Variants in ELAPOR2 observed in about 807,000 individuals in gnomAD.
The protein encoded by ELAPOR2 is endosome/lysosome-associated apoptosis and autophagy regulator family member 2.
In ELAPOR2, 89 loss-of-function variants were observed where a neutral mutation model predicts 120.7. The observed-to-expected ratio is 0.74, with a 90% CI of 0.62 to 0.88. ELAPOR2 has a LOEUF of 0.88. ELAPOR2 is among the 40% of genes least tolerant of loss of function. ELAPOR2 has a pLI of 0.00. For synonymous variants in ELAPOR2, 444 were observed against 444.9 expected (o/e 1.00, Z 0.03); for missense variants, 1,134 against 1,251.6 (o/e 0.91, Z 1.42).
intron 1 of ELAPOR2, among the ~76,000 whole-genome samples, chr7:87,035,133 A>C (rs990074886): frequency 1.4e-4 from 22 of 152,084 alleles, no homozygotes; most frequent in Non-Finnish European, 2.9e-4. Context: ...CTAATGCATC[A>C]AGGTCAAATA....
chr7:86,963,305 C>T (rs1304295739), intron 2 of ELAPOR2, among the ~76,000 whole-genome samples: 1 of 152,178 alleles, frequency 6.6e-6, no homozygotes, highest in Non-Finnish European at 1.5e-5. Context: ...TCTGGCAACA[C>T]TTAACTAAAA....
chr7:86,908,482 T>C lies in ELAPOR2; in HGVS notation c.2421A>G (p.Pro807=). The C allele has an allele frequency of 6.3e-7, 1 of 1,589,374 alleles. No homozygotes were observed. Among genetic ancestry groups the C allele is most frequent in the Non-Finnish European group, 8.6e-7 (1 of 1,166,414 alleles). Residue 807 remains proline (P), a synonymous_variant, in exon 17 of 22, where the codon CCA becomes CCG. Transcript: ENST00000450689. ...INIKEDMFPV[P]TSQIPDVHFF... ...AATGCACATCTGGTATTTGGCTTGTTGGAACTGGGAACATATCTTCTTTTA... is the reference window on the plus strand; with the variant it reads ...AATGCACATCTGGTATTTGGCTTGTCGGAACTGGGAACATATCTTCTTTTA...
intron 20 of ELAPOR2, 95 bp from the exon 21 acceptor site, chr7:86,891,984 T>A (rs940804439): frequency 7.4e-6 from 6 of 811,696 alleles, no homozygotes; most frequent in Non-Finnish European, 1.1e-5. Flanking sequence ...GCTCATTAAA[T>A]TGACTTGGAG....
intron 1 of ELAPOR2, among the ~76,000 whole-genome samples, chr7:87,053,290 C>T (rs953561765): frequency 6.6e-6 from 1 of 152,042 alleles, no homozygotes. Flanking sequence ...TTTTTAAAAC[C>T]CCCAAAATGC....
At chr7:87,006,779 A>C (rs1489315035) in intron 1 of ELAPOR2, among the ~76,000 whole-genome samples, 2 of 152,206 alleles carry the variant, frequency 1.3e-5, no homozygotes, top group African/African-American at 4.8e-5. Flanking sequence ...ATTATATTCA[A>C]AATAGCTGAA....
intron 10 of ELAPOR2, among the ~76,000 whole-genome samples, chr7:86,924,729 C>T (rs1422276623): frequency 6.7e-6 from 1 of 149,894 alleles, no homozygotes; most frequent in African/African-American, 2.5e-5. Context: ...ATACACCTCA[C>T]TTCCTATGAC....
At chr7:86,998,974 A>G (rs1052315798) in intron 1 of ELAPOR2, among the ~76,000 whole-genome samples, 3 of 152,074 alleles carry the variant, frequency 2.0e-5, no homozygotes, top group Non-Finnish European at 4.4e-5. Context: ...GGAGCTTTCA[A>G]GGATTAAAAC....
chr7:86,897,681 C>T (rs751597525), intron 18 of ELAPOR2, 49 bp from the exon 19 acceptor site: 2 of 1,605,816 alleles, frequency 1.2e-6, no homozygotes, highest in Non-Finnish European at 8.5e-7. Flanking sequence ...GCTTTTTAAC[C>T]CATTCAATCC....
At chr7:87,009,818 T>C (rs1793596057) in intron 1 of ELAPOR2, among the ~76,000 whole-genome samples, 1 of 152,226 alleles carries the variant, frequency 6.6e-6, no homozygotes, top group East Asian at 1.9e-4. Context: ...TAAAGAAAGC[T>C]ATTAACACCC....
intron 21 of ELAPOR2, 71 bp downstream of exon 21, chr7:86,891,653 G>A (rs1210030891): frequency 6.3e-6 from 8 of 1,275,088 alleles, no homozygotes; most frequent in Non-Finnish European, 7.6e-6. Context: ...TTGCGTGAAT[G>A]CTATTATTAG....
At chr7:86,912,329 T>A in intron 14 of ELAPOR2, 84 bp from the exon 15 acceptor site, 1 of 789,586 alleles carries the variant, frequency 1.3e-6, no homozygotes, top group Non-Finnish European at 2.0e-6. Flanking sequence ...GTTCTAGGTA[T>A]AAAAACTATT....
At chr7:86,991,273 T>C (rs1232584708) in intron 1 of ELAPOR2, among the ~76,000 whole-genome samples, 1 of 152,290 alleles carries the variant, frequency 6.6e-6, no homozygotes, top group East Asian at 1.9e-4. Context: ...TGATTTATTT[T>C]ACAGTTGAAG....
chr7:87,044,739 A>G (rs1381597523), intron 1 of ELAPOR2, among the ~76,000 whole-genome samples: 1 of 151,914 alleles, frequency 6.6e-6, no homozygotes, highest in African/African-American at 2.4e-5. Context: ...ATGGCAACAA[A>G]AGCCAAAATT....
chr7:86,878,432 G>C lies in ELAPOR2; in HGVS notation c.*2039C>G, dbSNP rs909730932. On this transcript the variant is annotated 3_prime_UTR_variant, in exon 22 of 22. Coordinates refer to ENST00000450689, the MANE Select transcript of ELAPOR2 (RefSeq NM_001142749.3). ...CTCCAATATCAACTACATTTTCGGA[G>C]AGTTCATTAAAATTTAAGGCATTTT... 3.3e-5 allele frequency: 5 copies of C among 152,158 alleles called. No homozygotes were observed. The highest frequency in any genetic ancestry group is 6.5e-5 in the Admixed American group (1 of 15,278). 9.4% of individuals were successfully genotyped at this position (152,158 alleles called of 1,614,324 possible).
intron 2 of ELAPOR2, among the ~76,000 whole-genome samples, chr7:86,961,082 A>G (rs1161687691): frequency 1.3e-5 from 2 of 152,212 alleles, no homozygotes; most frequent in African/African-American, 4.8e-5. Flanking sequence ...ACACATATAT[A>G]CAACAGACAT....
At chr7:86,964,218 T>G (rs1016266983) in intron 2 of ELAPOR2, among the ~76,000 whole-genome samples, 9 of 151,252 alleles carry the variant, frequency 6.0e-5, no homozygotes, top group African/African-American at 2.2e-4. Flanking sequence ...CTCTCGACTA[T>G]TTTGCTGCAG....
chr7:86,922,698 A>G (rs1167056680), intron 10 of ELAPOR2, among the ~76,000 whole-genome samples: 1 of 151,930 alleles, frequency 6.6e-6, no homozygotes, highest in Non-Finnish European at 1.5e-5. Context: ...AATCGCTCCC[A>G]CTACAGGACT....
intron 2 of ELAPOR2, among the ~76,000 whole-genome samples, chr7:86,961,736 G>T (rs188198857): frequency 2.0e-4 from 31 of 152,286 alleles, no homozygotes; most frequent in African/African-American, 7.5e-4. Context: ...ACATCCCTTT[G>T]GTCTGAGATT....
intron 17 of ELAPOR2, among the ~76,000 whole-genome samples, chr7:86,908,031 A>G (rs1789114131): frequency 6.6e-6 from 1 of 151,904 alleles, no homozygotes; most frequent in Admixed American, 6.6e-5. Context: ...ATTATAATCA[A>G]AAATATTCTT....
Sources: gnomAD v4.1 joint callset for allele counts (sites outside exome capture counted in the v4.1 genomes callset) on GRCh38, gnomAD v4.1.1 for gene constraint, MANE v1.5 for transcripts, NCBI Gene and HGNC (gene_info 2026-07-23, HGNC 2026-07-21) for gene names.